The following SLC4A1AP variants were observed in gnomAD, a reference collection of about 807,000 sequenced individuals.
SLC4A1AP encodes solute carrier family 4 member 1 adaptor protein, also known as kanadaptin.
Under a neutral mutation model 89.7 loss-of-function variants are expected in SLC4A1AP, and 64 were observed. The ratio of observed to expected loss-of-function variants is 0.71; its 90% CI spans 0.58 to 0.88. SLC4A1AP has a LOEUF of 0.88. Ranked by LOEUF, SLC4A1AP falls within the 40% of genes least tolerant of loss-of-function variation. The pLI, the probability that SLC4A1AP is intolerant of heterozygous loss-of-function variation, is 0.00. For missense variants in SLC4A1AP, 931 were observed against 965.0 expected, an observed-to-expected ratio of 0.96 and a Z score of 0.47; for synonymous variants, 366 against 353.3, an observed-to-expected ratio of 1.04 and a Z score of -0.40.
chr2:27,690,900 G>A (rs1189201413), intron 12 of SLC4A1AP, among the ~76,000 whole-genome samples: 4 of 152,068 alleles, frequency 2.6e-5, no homozygotes, highest in Admixed American at 2.6e-4. Flanking sequence ...ATTGAATAGG[G>A]TGTATTATTT....
intron 12 of SLC4A1AP, chr2:27,691,660 C>T (rs1224292547): frequency 6.6e-6 from 1 of 150,602 alleles, no homozygotes; most frequent in Non-Finnish European, 1.5e-5. Flanking sequence ...GCGATCTCAG[C>T]TCACTGCAAC....
intron 1 of SLC4A1AP, among the ~76,000 whole-genome samples, chr2:27,664,857 C>T (rs1675281262): frequency 6.6e-6 from 1 of 151,628 alleles, no homozygotes; most frequent in Non-Finnish European, 1.5e-5. Context: ...CGCTTTAGCC[C>T]AGGAGTTTGA....
At chr2:27,670,809 C>T (rs1029933476) in intron 5 of SLC4A1AP, among the ~76,000 whole-genome samples, 7 of 151,500 alleles carry the variant, frequency 4.6e-5, no homozygotes, top group Admixed American at 1.3e-4. Flanking sequence ...TTCATTGAGC[C>T]GAGATCGCGC....
At chr2:27,668,292 GC>G (rs1466756517) in intron 3 of SLC4A1AP, among the ~76,000 whole-genome samples, 2 of 152,060 alleles carry the variant, frequency 1.3e-5, no homozygotes, top group East Asian at 3.8e-4. Context: ...GGGACTACAG[GC>G]GCCCGCCACC....
chr2:27,683,735 ATTC>A (rs1194917273), intron 9 of SLC4A1AP, among the ~76,000 whole-genome samples: 4 of 151,916 alleles, frequency 2.6e-5, no homozygotes, highest in African/African-American at 4.8e-5. Flanking sequence ...CTAGCTATGT[ATTC>A]TTTTTGTTTG....
exon 2 of SLC4A1AP, chr2:27,665,238 G>A (rs866585156): frequency 6.2e-7 from 1 of 1,613,210 alleles, no homozygotes; most frequent in Non-Finnish European, 8.5e-7. Context: ...GGATACCTCT[G>A]AAAGGAAGAT....
chr2:27,680,946 G>A, intron 8 of SLC4A1AP, among the ~76,000 whole-genome samples: 1 of 151,348 alleles, frequency 6.6e-6, no homozygotes, highest in East Asian at 1.9e-4. Context: ...TCCTATTTTG[G>A]ATACTGGTCT....
At chr2:27,669,463 A>T (rs928366061) in intron 5 of SLC4A1AP, 76 bp downstream of exon 5, 2 of 1,341,216 alleles carry the variant, frequency 1.5e-6, no homozygotes, top group Non-Finnish European at 2.0e-6. Context: ...AAACTTCTTT[A>T]TGGGGGGAAA....
At chr2:27,680,121 G>T (rs1419486082) in intron 8 of SLC4A1AP, among the ~76,000 whole-genome samples, 2 of 152,132 alleles carry the variant, frequency 1.3e-5, no homozygotes, top group Non-Finnish European at 2.9e-5. Flanking sequence ...TTTAGCAGCC[G>T]ATGTCTGCAG....
chr2:27,687,615 T>G (rs1324575960), intron 10 of SLC4A1AP, among the ~76,000 whole-genome samples: 1 of 152,090 alleles, frequency 6.6e-6, no homozygotes, highest in East Asian at 1.9e-4. Flanking sequence ...ATTTTGGTGG[T>G]CATCTCTGAT....
rs1433205232 is a variant in SLC4A1AP at position 27,669,405 on chromosome 2, CT to C, written c.1345+25del. ...GGAAGCAGGTCAGTATATAGGAGCC[CT>C]TTTTTTCTAGATTTAAAAAAAGGAA... On this transcript the variant is annotated intron_variant, in intron 5 of 13. Transcript: ENST00000613058. The C allele has an allele frequency of 1.4e-5, 20 of 1,457,878 alleles. No individual in the cohort carries two copies. Among genetic ancestry groups the C allele is most frequent in the Middle Eastern group, 1.8e-4 (1 of 5,446 alleles). 90.3% of individuals were successfully genotyped at this position (1,457,878 alleles called of 1,614,324 possible).
At chr2:27,667,518 A>T in intron 3 of SLC4A1AP, 128 bp downstream of exon 3, 1 of 905,284 alleles carries the variant, frequency 1.1e-6, no homozygotes, top group Non-Finnish European at 1.5e-6. Flanking sequence ...TTCACTTTTT[A>T]CTCTTGTGGT....
chr2:27,692,055 C>G (rs1572997864), intron 12 of SLC4A1AP: 1 of 152,162 alleles, frequency 6.6e-6, no homozygotes, highest in East Asian at 1.9e-4. Flanking sequence ...TCAAGCAATC[C>G]TCCTGCCTTG....
At chr2:27,687,169 T>C (rs899614586) in intron 10 of SLC4A1AP, among the ~76,000 whole-genome samples, 1 of 152,170 alleles carries the variant, frequency 6.6e-6, no homozygotes, top group African/African-American at 2.4e-5. Flanking sequence ...TTTTAAAATG[T>C]GGTTTCAGAG....
At chr2:27,665,012 C>A in intron 1 of SLC4A1AP, 88 bp from the exon 2 acceptor site, 1 of 1,016,454 alleles carries the variant, frequency 9.8e-7, no homozygotes, top group Non-Finnish European at 1.5e-6. Context: ...AGGTGTATTA[C>A]AGCCACTGCA....
In SLC4A1AP at chr2:27,667,384, C is replaced by T. The variant is rs768833197; in HGVS notation, c.1138C>T (p.Arg380Ter). The T allele has an allele frequency of 5.0e-6, 8 of 1,611,646 alleles. No homozygotes were observed. The highest frequency in any genetic ancestry group is 3.3e-5 in the South Asian group (3 of 90,870). Residue 380 changes from arginine (R) to a stop codon, truncating the protein, a stop_gained, in exon 3 of 14, where the codon CGA (arginine) becomes TGA (stop). Transcript: ENST00000613058. LOFTEE classifies it high-confidence loss of function. ...AAAGGCTCTCCAAGGCTTTTTTGAC[C>T]GAGAAGGTATGTAAACAGATTCTGA... is the stretch of plus-strand genomic sequence containing the variant.
At chr2:27,683,090 TG>T (rs1028754169) in intron 9 of SLC4A1AP, among the ~76,000 whole-genome samples, 5 of 152,184 alleles carry the variant, frequency 3.3e-5, no homozygotes, top group Non-Finnish European at 5.9e-5. Context: ...CAACACCTTT[TG>T]CTGTGTGGGA....
chr2:27,671,479 C>T (rs1675427279), intron 5 of SLC4A1AP, among the ~76,000 whole-genome samples: 1 of 152,164 alleles, frequency 6.6e-6, no homozygotes, highest in Admixed American at 6.6e-5. Context: ...CTCACCACAT[C>T]AAACAACTTA....
intron 5 of SLC4A1AP, among the ~76,000 whole-genome samples, chr2:27,671,403 T>A (rs1675426533): frequency 6.6e-6 from 1 of 152,230 alleles, no homozygotes; most frequent in Admixed American, 6.5e-5. Flanking sequence ...AATAATTGCG[T>A]TTGCTTTTCA....
Sources: gnomAD v4.1 joint callset for allele counts (sites outside exome capture counted in the v4.1 genomes callset) on GRCh38, gnomAD v4.1.1 for gene constraint, MANE v1.5 for transcripts, NCBI Gene and HGNC (gene_info 2026-07-23, HGNC 2026-07-21) for gene names.